The following STK17B variants were observed in gnomAD, a reference collection of about 807,000 sequenced individuals.
STK17B encodes serine/threonine-protein kinase 17B.
Under a neutral mutation model 42.0 loss-of-function variants are expected in STK17B, and 21 were observed. The observed-to-expected ratio is 0.50, with a 90% CI of 0.35 to 0.72. The LOEUF (loss-of-function observed/expected upper bound fraction) is 0.72. Among genes scored for constraint, STK17B ranks in the 30% least tolerant of loss-of-function variants. The pLI is 0.00. For missense variants in STK17B, 349 were observed against 446.0 expected (o/e 0.78, Z 1.96); for synonymous variants, 143 against 148.4 (o/e 0.96, Z 0.26).
chr2:196,149,427 G>A (rs982338718), intron 3 of STK17B, among the ~76,000 whole-genome samples: 1 of 152,098 alleles, frequency 6.6e-6, no homozygotes, highest in African/African-American at 2.4e-5. Context: ...GCCTCCCAAA[G>A]TGCTGTGATT....
intron 1 of STK17B, among the ~76,000 whole-genome samples, chr2:196,166,829 CATG>C (rs561070387): frequency 2.0e-4 from 30 of 152,228 alleles, no homozygotes; most frequent in African/African-American, 7.0e-4. Flanking sequence ...AAGTATTTAT[CATG>C]ATATTTATTT....
At chr2:196,172,931 T>C (rs1197169199), upstream of STK17B, among the ~76,000 whole-genome samples, 1 of 152,102 alleles carries the variant, frequency 6.6e-6, no homozygotes, top group Admixed American at 6.5e-5. Flanking sequence ...ATTCCAGAGG[T>C]CTCAGCACCA....
At chr2:196,139,509 A>G (rs1317280440) in intron 7 of STK17B, 111 bp downstream of exon 7, 12 of 700,590 alleles carry the variant, frequency 1.7e-5, no homozygotes, top group Non-Finnish European at 2.2e-5. Context: ...TATTTCTAAT[A>G]ATTTTATACT....
rs968866903 is a variant in STK17B, at chr2:196,137,388, T to A, written c.*59A>T. 6 of 1,519,182 alleles carry A rather than the reference T, an allele frequency of 3.9e-6. No homozygotes were observed. The highest frequency in any genetic ancestry group is 5.3e-6 in the Non-Finnish European group (6 of 1,122,590). The allele number at this position is 1,519,182 out of a possible 1,614,324, so 94.1% of individuals were successfully genotyped here. A position where few individuals can be genotyped will look rare whatever the true frequency, so the allele number is the denominator to read the frequency against. On this transcript the variant is annotated 3_prime_UTR_variant, in exon 8 of 8. Coordinates refer to ENST00000263955, the MANE Select transcript of STK17B (RefSeq NM_004226.4). ...TCATATATGAAGCTACAAATCATAA[T>A]CTCACTGGAGTGGATATAAAATTTC...
At chr2:196,173,987 C>A (rs1699976602), upstream of STK17B, among the ~76,000 whole-genome samples, 1 of 152,124 alleles carries the variant, frequency 6.6e-6, no homozygotes, top group South Asian at 2.1e-4. Context: ...ACATACAACA[C>A]TGACTAAGGG....
chr2:196,173,150 C>T (rs1285596004), upstream of STK17B, among the ~76,000 whole-genome samples: 4 of 152,184 alleles, frequency 2.6e-5, no homozygotes, highest in Non-Finnish European at 5.9e-5. Flanking sequence ...CTCTCTGGCA[C>T]CACTGTAAGC....
intron 2 of STK17B, among the ~76,000 whole-genome samples, chr2:196,157,957 G>C (rs1699760745): frequency 6.6e-6 from 1 of 152,168 alleles, no homozygotes; most frequent in South Asian, 2.1e-4. Flanking sequence ...TATAATTCCA[G>C]AGGGTTTTCA....
upstream of STK17B, among the ~76,000 whole-genome samples, chr2:196,171,808 A>G (rs1476854220): frequency 7.7e-6 from 1 of 129,804 alleles, no homozygotes. Context: ...GGTGGGGCGC[A>G]CTCGGGCTGC....
chr2:196,156,494 T>C lies in STK17B; in HGVS notation c.280A>G (p.Ile94Val). Residue 94 changes from isoleucine (I) to valine (V), a missense_variant, in exon 3 of 8, where the codon ATT (isoleucine) becomes GTT (valine). Transcript: ENST00000263955. ...LELAKSCPRV[I>V]NLHEVYENTS... ...TTTTCATAGACCTCATGAAGATTAA[T>C]AACACGGGGACAAGACTTTGCCAAT... 1 of 1,614,104 alleles carries C rather than the reference T, an allele frequency of 6.2e-7. No homozygotes were observed. Among genetic ancestry groups the C allele is most frequent in the African/African-American group, 1.3e-5 (1 of 75,040 alleles).
intron 3 of STK17B, chr2:196,151,217 C>G (rs1348602826): frequency 6.6e-6 from 1 of 151,878 alleles, no homozygotes; most frequent in Non-Finnish European, 1.5e-5. Flanking sequence ...ATTTCTAGGA[C>G]AAAGTTTTTG....
chr2:196,138,048 C>T (rs1699433072), intron 7 of STK17B, among the ~76,000 whole-genome samples: 2 of 152,076 alleles, frequency 1.3e-5, no homozygotes, highest in African/African-American at 4.8e-5. Flanking sequence ...TGAAATTTAC[C>T]CCAAATCTCC....
At chr2:196,156,398 T>C in intron 3 of STK17B, 41 bp downstream of exon 3, 1 of 1,446,320 alleles carries the variant, frequency 6.9e-7, no homozygotes, top group South Asian at 1.3e-5. Context: ...TAATCATCTT[T>C]TCATACCAAC....
At chr2:196,165,699 TA>T (rs1379382274) in intron 1 of STK17B, 41 of 152,370 alleles carry the variant, frequency 2.7e-4, no homozygotes, top group African/African-American at 8.4e-4. Context: ...TTGCTGCCTC[TA>T]AAGTATGGAT....
intron 6 of STK17B, among the ~76,000 whole-genome samples, chr2:196,140,711 C>T (rs762557739): frequency 4.0e-5 from 6 of 151,226 alleles, no homozygotes; most frequent in Non-Finnish European, 8.8e-5. Context: ...ATTACAGGTA[C>T]GCGCCACCAC....
intron 1 of STK17B, among the ~76,000 whole-genome samples, chr2:196,168,825 C>G (rs546462755): frequency 1.3e-5 from 2 of 152,018 alleles, no homozygotes; most frequent in Non-Finnish European, 2.9e-5. Context: ...AAAGAAATAG[C>G]CTTTGATAAC....
intron 3 of STK17B, 31 bp downstream of exon 3, chr2:196,156,408 C>T (rs752176442): frequency 1.3e-6 from 2 of 1,503,592 alleles, no homozygotes; most frequent in Non-Finnish European, 1.8e-6. Context: ...TTCATACCAA[C>T]TAAAATAGGT....
chr2:196,136,650 C>G lies in STK17B; in HGVS notation c.*797G>C, dbSNP rs1699410190. ...AAAAATACAGAATATTTAACTATACCTAAGTATCTTCTACTCTAGAAATTC... is the reference window on the plus strand; with the variant it reads ...AAAAATACAGAATATTTAACTATACGTAAGTATCTTCTACTCTAGAAATTC... On this transcript the variant is annotated 3_prime_UTR_variant, in exon 8 of 8. Coordinates refer to ENST00000263955, the MANE Select transcript of STK17B (RefSeq NM_004226.4). 1 of 152,024 alleles carries G rather than the reference C, an allele frequency of 6.6e-6. No homozygotes were observed. Among genetic ancestry groups the G allele is most frequent in the African/African-American group, 2.4e-5 (1 of 41,360 alleles). The allele number at this position is 152,024 out of a possible 1,614,324, so 9.4% of individuals were successfully genotyped here. A position where few individuals can be genotyped will look rare whatever the true frequency, so the allele number is the denominator to read the frequency against.
At chr2:196,140,577 C>CCTTTTTTTTTTTTTT (rs1334737441) in intron 6 of STK17B, among the ~76,000 whole-genome samples, 3 of 101,480 alleles carry the variant, frequency 3.0e-5, no homozygotes, top group Non-Finnish European at 3.9e-5. Flanking sequence ...CTTCTTCTAG[C>CCTTTTTTTTTTTTTT]TTTTTTTTTT....
chr2:196,154,394 A>C (rs999709206), intron 3 of STK17B: 8 of 152,234 alleles, frequency 5.3e-5, no homozygotes, highest in Non-Finnish European at 1.2e-4. Context: ...CAGTAATAAA[A>C]CCTGACTTTA....
Sources: gnomAD v4.1 joint callset for allele counts (sites outside exome capture counted in the v4.1 genomes callset) on GRCh38, gnomAD v4.1.1 for gene constraint, MANE v1.5 for transcripts, NCBI Gene and HGNC (gene_info 2026-07-23, HGNC 2026-07-21) for gene names.